DNAH10: variants seen among roughly 807,000 people sequenced by gnomAD.
The protein encoded by DNAH10 is dynein axonemal heavy chain 10.
In DNAH10, 348 loss-of-function variants were observed where a neutral mutation model predicts 506.6. The observed-to-expected ratio is 0.69, with a 90% CI of 0.63 to 0.75. The LOEUF (loss-of-function observed/expected upper bound fraction) is 0.75, where lower values mean the gene tolerates loss of function less well. Ranked by LOEUF, DNAH10 falls within the 30% of genes least tolerant of loss-of-function variation. DNAH10 has a pLI of 0.00. For missense variants in DNAH10, 5,179 were observed against 5,787.1 expected, an observed-to-expected ratio of 0.89 and a Z score of 3.41; for synonymous variants, 2,059 against 2,198.6, an observed-to-expected ratio of 0.94 and a Z score of 1.78.
intron 13 of DNAH10, 70 bp downstream of exon 13, chr12:123,796,902 G>T (rs573717039): frequency 5.0e-6 from 7 of 1,404,166 alleles, no homozygotes; most frequent in Non-Finnish European, 6.6e-6. Context: ...ATGGAGTCTC[G>T]CTCTGTCGCC....
intron 6 of DNAH10, among the ~76,000 whole-genome samples, chr12:123,781,529 G>A (rs1451166729): frequency 6.6e-6 from 1 of 151,496 alleles, no homozygotes; most frequent in Non-Finnish European, 1.5e-5. Context: ...GCAGTGGTGA[G>A]ATCTCGGTTC....
chr12:123,893,629 C>T (rs535688110), intron 53 of DNAH10, among the ~76,000 whole-genome samples, 193 bp downstream of exon 53: 2 of 152,364 alleles, frequency 1.3e-5, no homozygotes, highest in East Asian at 3.9e-4. Flanking sequence ...AGTGATGTCC[C>T]TCTGACAGGA....
At chr12:123,861,899 G>T (rs1462287839) in intron 39 of DNAH10, among the ~76,000 whole-genome samples, 1 of 152,186 alleles carries the variant, frequency 6.6e-6, no homozygotes, top group South Asian at 2.1e-4. Flanking sequence ...AGGATTCCAC[G>T]CTGAATTCCG....
intron 14 of DNAH10, 65 bp from the exon 15 acceptor site, chr12:123,800,151 G>C: frequency 2.0e-6 from 3 of 1,529,680 alleles, no homozygotes; most frequent in Non-Finnish European, 2.7e-6. Flanking sequence ...TTTTGGTGTG[G>C]GTTGTGTTGA....
intron 1 of DNAH10, among the ~76,000 whole-genome samples, chr12:123,764,922 A>G (rs1956961960): frequency 6.6e-6 from 1 of 152,062 alleles, no homozygotes; most frequent in Admixed American, 6.6e-5. Context: ...AAGAGACCTC[A>G]TCCCCAACTC....
In DNAH10 at chr12:123,893,248, T is replaced by G; in HGVS notation, c.9011T>G (p.Leu3004Arg). 1.2e-6 allele frequency: 2 copies of G among 1,614,022 alleles called. No individual in the cohort carries two copies. Among genetic ancestry groups the G allele is most frequent in the Non-Finnish European group, 1.7e-6 (2 of 1,179,884 alleles). Reference protein sequence around the residue: ...NMLTSGIVPALFSEEEKESIL... With the variant: ...NMLTSGIVPARFSEEEKESIL... ...CCTTTTCCAGGAATTGTACCTGCGCTTTTTTCTGAAGAGGAGAAAGAGTCT... is the reference window on the plus strand; with the variant it reads ...CCTTTTCCAGGAATTGTACCTGCGCGTTTTTCTGAAGAGGAGAAAGAGTCT... The change falls in exon 53 of 79, where the codon CTT (leucine) becomes CGT (arginine). Residue 3004 changes from leucine to arginine, a missense_variant. By Grantham distance (102) the Leu-to-Arg change is moderately radical (BLOSUM62 -2). Around this residue, in one of 3 missense-constraint regions of DNAH10, gnomAD observed 4,844 missense variants for 5,430.5 expected, o/e 0.89. Transcript: ENST00000673944.
intron 51 of DNAH10, among the ~76,000 whole-genome samples, chr12:123,886,480 CGTGTGTGTGCACACGTGT>C (rs767594251): frequency 1.3e-5 from 2 of 151,628 alleles, no homozygotes; most frequent in African/African-American, 4.9e-5. Flanking sequence ...CGCGCGCGCG[CGTGTGTGTGCACACGTGT>C]GTGTGTGTGT....
chr12:123,765,837 ATATC>A lies in DNAH10; in HGVS notation c.215-1762_215-1759del, dbSNP rs374140515. 1.5e-3 allele frequency among the ~76,000 whole-genome samples: 224 copies of A among 147,846 alleles called. 1 individual carries two copies. The highest frequency in any genetic ancestry group is 3.7e-3 in the African/African-American group (141 of 38,486). On this transcript the variant is annotated intron_variant, in intron 1 of 78. Transcript: ENST00000673944. ...TACCTATACATCTATCTCTATCTATATATCTATCTACCTACCTACCTATACATCT... is the reference window on the plus strand; with the variant it reads ...TACCTATACATCTATCTCTATCTATATATCTACCTACCTACCTATACATCT...
chr12:123,827,366 AT>A (rs1960098458), intron 25 of DNAH10, among the ~76,000 whole-genome samples: 1 of 152,230 alleles, frequency 6.6e-6, no homozygotes, highest in African/African-American at 2.4e-5. Context: ...TTCATGAGAT[AT>A]TTTACATTCT....
Position 123,771,635 on chromosome 12 carries a change from C to T in DNAH10, c.333C>T (p.Gly111=), listed in dbSNP as rs756511502. 5.6e-6 allele frequency: 9 copies of T among 1,613,618 alleles called. No homozygotes were observed. In the Admixed American group the frequency reaches 8.3e-5, roughly 15 times the overall value. ...KRVSLRTESL[G]QPLNREDEEM... Reference sequence around the variant, plus strand: ...TGTCACTGAGAACCGAATCTCTAGGCCAACCTCTAAACAGAGAGGATGAAG... The same window carrying T: ...TGTCACTGAGAACCGAATCTCTAGGTCAACCTCTAAACAGAGAGGATGAAG... Residue 111 remains glycine (G), a synonymous_variant, in exon 3 of 79, where the codon GGC becomes GGT. Coordinates refer to ENST00000673944, the MANE Select transcript of DNAH10 (RefSeq NM_001372106.1).
Position 123,830,676 on chromosome 12 carries a change from A to G in DNAH10, c.4522A>G (p.Ile1508Val), listed in dbSNP as rs780610923. 4.3e-6 allele frequency: 7 copies of G among 1,611,998 alleles called. No homozygotes were observed. In the Admixed American group the frequency reaches 5.0e-5, roughly 12 times the overall value. The part of the protein sequence containing the change: ...DVLNEIVTAA[I>V]KEVAIEKAVK... ...TCTCAATGAGATTGTCACAGCAGCA[A>G]TCAAGGAGGTTGCCATTGAGAAGGT... Residue 1508 changes from isoleucine to valine, a missense_variant, in exon 26 of 79, where the codon ATC (isoleucine) becomes GTC (valine). Ile to Val is a conservative substitution (Grantham distance 29). This residue lies in a region of DNAH10 where 4,844 missense variants were observed against 5,430.5 expected (regional missense o/e 0.89). Coordinates refer to ENST00000673944, the MANE Select transcript of DNAH10 (RefSeq NM_001372106.1).
chr12:123,924,516 A>G, intron 67 of DNAH10, 84 bp downstream of exon 67: 1 of 1,519,906 alleles, frequency 6.6e-7, no homozygotes. Flanking sequence ...ACCCCTTAAG[A>G]GAAGACACTC....
Position 123,923,883 on chromosome 12 carries a change from A to T in DNAH10, c.11611+16A>T. 1 of 1,562,388 alleles carries T rather than the reference A, an allele frequency of 6.4e-7. No individual in the cohort carries two copies. Among genetic ancestry groups the T allele is most frequent in the South Asian group, 1.2e-5 (1 of 86,510 alleles). Reference sequence around the variant, plus strand: ...TTTTTAAAAGGTAATGAATTTGCCTAGCTTCATTCCTCCCATCTCCTTGCC... The same window carrying T: ...TTTTTAAAAGGTAATGAATTTGCCTTGCTTCATTCCTCCCATCTCCTTGCC... On this transcript the variant is annotated intron_variant, in intron 66 of 78. Transcript: ENST00000673944.
chr12:123,803,750 T>C lies in DNAH10; in HGVS notation c.2704T>C (p.Ser902Pro). 6.2e-7 allele frequency: 1 copy of C among 1,610,806 alleles called. No individual in the cohort carries two copies. The highest frequency in any genetic ancestry group is 8.5e-7 in the Non-Finnish European group (1 of 1,179,362). The change falls in exon 17 of 79, where the codon TCT becomes CCT. Residue 902 changes from serine to proline, a missense_variant. Transcript: ENST00000673944. Reference protein sequence around the residue: ...HQIHKNADDISSRLTLIEAIN... With the variant: ...HQIHKNADDIPSRLTLIEAIN... ...GATTCATAAGAATGCAGATGACATT[T>C]CTTCCAGGCTGACATTAATAGAGGC...
At chr12:123,798,486 G>A (rs962160592) in intron 13 of DNAH10, among the ~76,000 whole-genome samples, 11 of 152,118 alleles carry the variant, frequency 7.2e-5, no homozygotes, top group African/African-American at 2.7e-4. Context: ...GAGAGGTGGT[G>A]CAAACCATTC....
rs1419293628 is a variant in DNAH10, at chr12:123,801,361, T to A, written c.2543T>A (p.Leu848His). The stretch of plus-strand genomic sequence containing the variant: ...TTAAACGATGCGGAGTCTGTGCTTC[T>A]CAAAGATCATTCCCAGGAACTGCTC... ...GTLNDAESVL[L>H]KDHSQELLRV... The change falls in exon 16 of 79, where the codon CTC becomes CAC. Residue 848 changes from leucine (L) to histidine (H), a missense_variant. This residue lies in a region of DNAH10 where 4,844 missense variants were observed against 5,430.5 expected (regional missense o/e 0.89). Transcript: ENST00000673944. The A allele has an allele frequency of 1.2e-6, 2 of 1,614,060 alleles. No homozygotes were observed. The highest frequency in any genetic ancestry group is 2.2e-5 in the South Asian group (2 of 91,080).
At chr12:123,791,205 A>G (rs1958066937) in intron 11 of DNAH10, among the ~76,000 whole-genome samples, 1 of 152,194 alleles carries the variant, frequency 6.6e-6, no homozygotes, top group South Asian at 2.1e-4. Context: ...TGGCTACAGT[A>G]TAGGCTGCTT....
At chr12:123,800,441 C>T (rs1285268514) in intron 15 of DNAH10, 53 bp downstream of exon 15, 1 of 1,515,934 alleles carries the variant, frequency 6.6e-7, no homozygotes, top group African/African-American at 1.4e-5. Context: ...CTTGGGACCC[C>T]TTTACGCTCT....
At chr12:123,843,242 T>A (rs1421467223) in intron 30 of DNAH10, among the ~76,000 whole-genome samples, 2 of 152,230 alleles carry the variant, frequency 1.3e-5, no homozygotes, top group Admixed American at 6.5e-5. Flanking sequence ...CATGTGGTTT[T>A]ATTTGAGCTG....
Sources: gnomAD v4.1 joint callset for allele counts (sites outside exome capture counted in the v4.1 genomes callset) on GRCh38, gnomAD v4.1.1 for gene constraint, gnomAD v4.1.1 regional missense constraint, MANE v1.5 for transcripts, NCBI Gene and HGNC (gene_info 2026-07-23, HGNC 2026-07-21) for gene names.